Variants in OR9I1 observed in about 807,000 individuals in gnomAD.
The protein encoded by OR9I1 is olfactory receptor 9I1.
In OR9I1, 7 loss-of-function variants were observed where a neutral mutation model predicts 11.2. That is an observed-to-expected ratio of 0.62 (90% CI 0.36 to 1.17). The LOEUF (loss-of-function observed/expected upper bound fraction) is 1.17, where lower values mean the gene tolerates loss of function less well. Among genes scored for constraint, OR9I1 ranks in the 50% most tolerant of loss-of-function variants. The probability of loss-of-function intolerance (pLI) is 0.02; values close to 1 mark genes in which losing one functional copy is unlikely to be tolerated. For synonymous variants in OR9I1, 165 were observed against 153.4 expected (o/e 1.08, Z -0.56); for missense variants, 428 against 377.2 (o/e 1.13, Z -1.12).
chr11:58,125,244 C>CT (rs1854079656), intron 1 of OR9I1, 30 bp downstream of exon 1: 2 of 122,016 alleles, frequency 1.6e-5, no homozygotes. Flanking sequence ...CCACCGCCCC[C>CT]CCCCCAAAAA....
In OR9I1 at chr11:58,119,403, G is replaced by A. The variant is rs1378281335; in HGVS notation, c.42C>T (p.Leu14=). Residue 14 remains leucine, a synonymous_variant, in exon 3 of 3, where the codon CTC becomes CTT. Coordinates refer to ENST00000641439, the MANE Select transcript of OR9I1 (RefSeq NM_001005211.2). The part of the protein sequence containing the change: ...NNLTRVTEFI[L]MGFMDHPKLE... ...ATTTGGGGTGGTCCATAAAGCCCAT[G>A]AGAATGAATTCGGTTACTCTGGTGA... is the stretch of plus-strand genomic sequence containing the variant. 1.2e-6 allele frequency: 2 copies of A among 1,613,374 alleles called. No individual in the cohort carries two copies. Among genetic ancestry groups the A allele is most frequent in the East Asian group, 4.5e-5 (2 of 44,860 alleles).
Position 58,117,534 on chromosome 11 carries a change from A to G in OR9I1, c.*966T>C, listed in dbSNP as rs1853968832. 1 of 152,218 alleles carries G rather than the reference A, an allele frequency of 6.6e-6. No individual in the cohort carries two copies. Among genetic ancestry groups the G allele is most frequent in the Non-Finnish European group, 1.5e-5 (1 of 68,048 alleles). 9.4% of individuals were successfully genotyped at this position (152,218 alleles called of 1,614,324 possible). On this transcript the variant is annotated 3_prime_UTR_variant, in exon 3 of 3. Coordinates refer to ENST00000641439, the MANE Select transcript of OR9I1 (RefSeq NM_001005211.2). ...GGCTTTGGACTCAATAGTGAAGAAA[A>G]CATTCTGTTCTCAAGGGTTTTACAG...
At position 58,119,484 on chromosome 11, in the gene OR9I1, AT is replaced by A. The variant is rs2120131866; in HGVS notation, c.-22-19del. 1 of 1,276,878 alleles carries A rather than the reference AT, an allele frequency of 7.8e-7. No homozygotes were observed. The highest frequency in any genetic ancestry group is 2.3e-5 in the East Asian group (1 of 42,814). The allele number at this position is 1,276,878 out of a possible 1,614,324, so 79.1% of individuals were successfully genotyped here. ...CTGTTGGTCTGAGGATGATAATGAAATAAAAAGAATCTCAGAATTGAAGGAC... is the reference window on the plus strand; with the variant it reads ...CTGTTGGTCTGAGGATGATAATGAAAAAAAAGAATCTCAGAATTGAAGGAC... On this transcript the variant is annotated intron_variant, in intron 2 of 2. Coordinates refer to ENST00000641439, the MANE Select transcript of OR9I1 (RefSeq NM_001005211.2).
In OR9I1 at chr11:58,118,784, T is replaced by C; in HGVS notation, c.661A>G (p.Ile221Val). ...TTCACTTTCAAAATGGTCTTGATGA[T>C]GAGCAGATAGGAAATCAGGATGACG... ...ASVILISYLL[I>V]IKTILKVKSS... Residue 221 changes from isoleucine (I) to valine (V), a missense_variant, in exon 3 of 3, where the codon ATC becomes GTC. Ile to Val is a conservative substitution (Grantham distance 29, BLOSUM62 3). Coordinates refer to ENST00000641439, the MANE Select transcript of OR9I1 (RefSeq NM_001005211.2). 2 of 1,614,078 alleles carry C rather than the reference T, an allele frequency of 1.2e-6. No homozygotes were observed. Among genetic ancestry groups the C allele is most frequent in the Non-Finnish European group, 1.7e-6 (2 of 1,179,978 alleles).
chr11:58,122,259 C>G (rs61902767), intron 2 of OR9I1, among the ~76,000 whole-genome samples: 32,605 of 152,086 alleles, frequency 0.21, 3,975 homozygotes, highest in Middle Eastern at 0.38. Context: ...TGACAGATCA[C>G]GTCAAACATG....
Position 58,118,828 on chromosome 11 carries a change from A to T in OR9I1, c.617T>A (p.Val206Glu). ...EIVIIFFGNF[V>E]ILANASVILI... is the part of the protein sequence containing the mutation. ...GATGACGGAGGCATTGGCCAAAATC[A>T]CAAAATTGCCAAAGAAGATGATGAC... Residue 206 changes from valine (V) to glutamate (E), a missense_variant, in exon 3 of 3, where the codon GTG becomes GAG. Coordinates refer to ENST00000641439, the MANE Select transcript of OR9I1 (RefSeq NM_001005211.2). 1 of 1,614,084 alleles carries T rather than the reference A, an allele frequency of 6.2e-7. No homozygotes were observed. The highest frequency in any genetic ancestry group is 8.5e-7 in the Non-Finnish European group (1 of 1,180,004).
Position 58,118,780 on chromosome 11 carries a change from A to G in OR9I1, c.665T>C (p.Ile222Thr). The part of the protein sequence containing the change: ...SVILISYLLI[I>T]KTILKVKSSG... ...AGACTTCACTTTCAAAATGGTCTTG[A>G]TGATGAGCAGATAGGAAATCAGGAT... Residue 222 changes from isoleucine to threonine, a missense_variant, in exon 3 of 3, where the codon ATC becomes ACC. Physicochemically the swap from Ile to Thr is moderately conservative, Grantham distance 89. Coordinates refer to ENST00000641439, the MANE Select transcript of OR9I1 (RefSeq NM_001005211.2). 2 of 1,614,106 alleles carry G rather than the reference A, an allele frequency of 1.2e-6. No individual in the cohort carries two copies. Among genetic ancestry groups the G allele is most frequent in the Non-Finnish European group, 1.7e-6 (2 of 1,180,000 alleles).
rs1590599253 is a variant in OR9I1 at position 58,117,229 on chromosome 11, C to T, written c.*1271G>A. ...CATTTTATTTAATTTTTACAATATC[C>T]TCTTGAATTGGGAATTGTTATACTT... On this transcript the variant is annotated 3_prime_UTR_variant, in exon 3 of 3. Coordinates refer to ENST00000641439, the MANE Select transcript of OR9I1 (RefSeq NM_001005211.2). 6.6e-6 allele frequency: 1 copy of T among 152,112 alleles called. No individual in the cohort carries two copies. Among genetic ancestry groups the T allele is most frequent in the African/African-American group, 2.4e-5 (1 of 41,442 alleles). The allele number at this position is 152,112 out of a possible 1,614,324, so 9.4% of individuals were successfully genotyped here.
intron 2 of OR9I1, among the ~76,000 whole-genome samples, chr11:58,120,894 C>T (rs1240927838): frequency 2.7e-5 from 4 of 148,628 alleles, no homozygotes; most frequent in Admixed American, 1.4e-4. Flanking sequence ...AAATTATTCC[C>T]TTGTTCTTTT....
chr11:58,119,162 C>G lies in OR9I1; in HGVS notation c.283G>C (p.Gly95Arg). Residue 95 changes from glycine (G) to arginine (R), a missense_variant, in exon 3 of 3, where the codon GGC (glycine) becomes CGC (arginine). Transcript: ENST00000641439. Reference sequence around the variant, plus strand: ...AAAAAGAACTGGGCAGCACAGTGGCCGTAGGAGATGACCGTTTTGCCTGTG... The same window carrying G: ...AAAAAGAACTGGGCAGCACAGTGGCGGTAGGAGATGACCGTTTTGCCTGTG... ...LATGKTVISY[G>R]HCAAQFFLFT... 4 of 1,613,974 alleles carry G rather than the reference C, an allele frequency of 2.5e-6. No homozygotes were observed. The highest frequency in any genetic ancestry group is 3.4e-6 in the Non-Finnish European group (4 of 1,179,988).
chr11:58,124,278 C>T (rs185433497), intron 2 of OR9I1, among the ~76,000 whole-genome samples, 160 bp downstream of exon 2: 1 of 152,192 alleles, frequency 6.6e-6, no homozygotes, highest in Non-Finnish European at 1.5e-5. Context: ...TTAAGAAAGC[C>T]TAGGAACATT....
intron 2 of OR9I1, among the ~76,000 whole-genome samples, 177 bp from the exon 3 acceptor site, chr11:58,119,643 C>G (rs1854006597): frequency 6.6e-6 from 1 of 152,132 alleles, no homozygotes; most frequent in African/African-American, 2.4e-5. Flanking sequence ...GAGCCTTAAG[C>G]TGGTATTTCT....
rs1416431375 is a variant in OR9I1, at chr11:58,118,663, T to C, written c.782A>G (p.Gln261Arg). ...FFGALIFMYL[Q>R]SGSGKSLEED... Reference sequence around the variant, plus strand: ...CTCCAGAGATTTGCCTGAGCCACTTTGCAGATACATGAAGATAAGGGCTCC... The same window carrying C: ...CTCCAGAGATTTGCCTGAGCCACTTCGCAGATACATGAAGATAAGGGCTCC... Residue 261 changes from glutamine (Q) to arginine (R), a missense_variant, in exon 3 of 3, where the codon CAA becomes CGA. By Grantham distance (43) the Gln-to-Arg change is conservative. Coordinates refer to ENST00000641439, the MANE Select transcript of OR9I1 (RefSeq NM_001005211.2). The C allele has an allele frequency of 6.2e-7, 1 of 1,614,028 alleles. No individual in the cohort carries two copies. The highest frequency in any genetic ancestry group is 8.5e-7 in the Non-Finnish European group (1 of 1,179,978).
chr11:58,124,832 C>T (rs1854072698), intron 1 of OR9I1, among the ~76,000 whole-genome samples, 193 bp from the exon 2 acceptor site: 1 of 152,162 alleles, frequency 6.6e-6, no homozygotes. Context: ...ATCCTGGCAA[C>T]CATTTATCGA....
In OR9I1 at chr11:58,117,033, T is replaced by C. The variant is rs1853962200; in HGVS notation, c.*1467A>G. The C allele has an allele frequency of 6.6e-6, 1 of 152,246 alleles. No individual in the cohort carries two copies. The highest frequency in any genetic ancestry group is 1.5e-5 in the Non-Finnish European group (1 of 68,046). 9.4% of individuals were successfully genotyped at this position (152,246 alleles called of 1,614,324 possible). A position where few individuals can be genotyped will look rare whatever the true frequency, so the allele number is the denominator to read the frequency against. On this transcript the variant is annotated 3_prime_UTR_variant, in exon 3 of 3. Coordinates refer to ENST00000641439, the MANE Select transcript of OR9I1 (RefSeq NM_001005211.2). ...TTATACATCTTCCTCAGTTCATTGCTTTCATTGACTTTTATCATCATTGGT... is the reference window on the plus strand; with the variant it reads ...TTATACATCTTCCTCAGTTCATTGCCTTCATTGACTTTTATCATCATTGGT...
chr11:58,121,011 T>A (rs573602487), intron 2 of OR9I1, among the ~76,000 whole-genome samples: 191 of 152,122 alleles, frequency 1.3e-3, no homozygotes, highest in African/African-American at 4.2e-3. Flanking sequence ...TACGGGTTGA[T>A]TCTACTATCA....
rs764226111 is a variant in OR9I1 at position 58,117,479 on chromosome 11, C to T, written c.*1021G>A. On this transcript the variant is annotated 3_prime_UTR_variant, in exon 3 of 3. Coordinates refer to ENST00000641439, the MANE Select transcript of OR9I1 (RefSeq NM_001005211.2). The stretch of plus-strand genomic sequence containing the variant: ...AGTTGCCAGAAGGCTCAAATAGGAA[C>T]AAGCATGTACCATACAAATTCTTTC... 11 of 152,154 alleles carry T rather than the reference C, an allele frequency of 7.2e-5. No homozygotes were observed. Among genetic ancestry groups the T allele is most frequent in the Non-Finnish European group, 1.3e-4 (9 of 68,016 alleles). 9.4% of individuals were successfully genotyped at this position (152,154 alleles called of 1,614,324 possible).
chr11:58,119,493 A>G, intron 2 of OR9I1, 27 bp from the exon 3 acceptor site: 1 of 1,224,120 alleles, frequency 8.2e-7, no homozygotes, highest in South Asian at 1.5e-5. Flanking sequence ...AATAAAAAGA[A>G]TCTCAGAATT....
chr11:58,118,278 G>C lies in OR9I1; in HGVS notation c.*222C>G. 2.1e-6 allele frequency: 1 copy of C among 478,778 alleles called. No homozygotes were observed. The highest frequency in any genetic ancestry group is 3.7e-5 in the Admixed American group (1 of 26,880). The allele number at this position is 478,778 out of a possible 1,614,324, so 29.7% of individuals were successfully genotyped here. ...AGAGAATATTAAGAGACTGCCCAGT[G>C]CTAAGGAATGGATTGAAAGTGGAAG... On this transcript the variant is annotated 3_prime_UTR_variant, in exon 3 of 3. Transcript: ENST00000641439.
Sources: allele counts gnomAD v4.1 joint callset (sites outside exome capture counted in the v4.1 genomes callset), GRCh38; gene constraint gnomAD v4.1.1; transcripts MANE v1.5; gene names NCBI Gene and HGNC (gene_info 2026-07-23, HGNC 2026-07-21).